Variants in TTLL6 observed in about 807,000 individuals in gnomAD.
TTLL6 encodes tubulin tyrosine ligase like 6, also known as tubulin polyglutamylase TTLL6.
Under a neutral mutation model 96.4 loss-of-function variants are expected in TTLL6, and 75 were observed. The ratio of observed to expected loss-of-function variants is 0.78; its 90% CI spans 0.65 to 0.94. The LOEUF (loss-of-function observed/expected upper bound fraction) is 0.94. TTLL6 is among the 40% of genes least tolerant of loss of function. The probability of loss-of-function intolerance (pLI) is 0.00; values close to 1 mark genes in which losing one functional copy is unlikely to be tolerated. For missense variants in TTLL6, 1,030 were observed against 1,093.0 expected (o/e 0.94, Z 0.81); for synonymous variants, 411 against 419.4 (o/e 0.98, Z 0.24).
chr17:48,805,644 C>T (rs72831872), intron 1 of TTLL6, among the ~76,000 whole-genome samples: 19 of 152,214 alleles, frequency 1.2e-4, no homozygotes, highest in Non-Finnish European at 2.4e-4. Flanking sequence ...TCTCATCCTC[C>T]CTGGCCCCAT....
chr17:48,794,303 T>C, intron 8 of TTLL6: 1 of 1,612,328 alleles, frequency 6.2e-7, no homozygotes, highest in Non-Finnish European at 8.5e-7. Flanking sequence ...ATGAGAACCT[T>C]TCCATTCTGT....
intron 13 of TTLL6, among the ~76,000 whole-genome samples, chr17:48,778,000 C>T (rs1261654951): frequency 1.3e-5 from 2 of 151,596 alleles, no homozygotes; most frequent in Non-Finnish European, 2.9e-5. Flanking sequence ...CCATGCTGGG[C>T]GCCCGGTGGC....
Position 48,791,616 on chromosome 17 carries a change from C to A in TTLL6, c.999-13G>T, listed in dbSNP as rs1567727296. The A allele has an allele frequency of 3.1e-6, 5 of 1,600,752 alleles. No homozygotes were observed. Among genetic ancestry groups the A allele is most frequent in the Non-Finnish European group, 3.4e-6 (4 of 1,170,544 alleles). On this transcript the variant is annotated splice_polypyrimidine_tract_variant and intron_variant, in intron 8 of 15. Coordinates refer to ENST00000393382, the MANE Select transcript of TTLL6 (RefSeq NM_001130918.3). ...GGTGGAGAGCTTCCTGGAAGGGAAC[C>A]ACAGGCCAGGAGGCAGTGTAGCTGG...
intron 13 of TTLL6, among the ~76,000 whole-genome samples, chr17:48,779,802 C>T (rs1215547203): frequency 6.6e-6 from 1 of 152,082 alleles, no homozygotes; most frequent in Non-Finnish European, 1.5e-5. Context: ...AGAAGCCAGA[C>T]ACAAAAGAAC....
At chr17:48,771,270 A>C (rs1404022335) in intron 13 of TTLL6, among the ~76,000 whole-genome samples, 3 of 152,204 alleles carry the variant, frequency 2.0e-5, no homozygotes, top group Non-Finnish European at 4.4e-5. Flanking sequence ...AATAACTAAT[A>C]AGATTTCGAT....
chr17:48,809,869 G>A (rs960803578), intron 1 of TTLL6, among the ~76,000 whole-genome samples: 2 of 151,832 alleles, frequency 1.3e-5, no homozygotes, highest in Admixed American at 6.6e-5. Flanking sequence ...GAAAAGAAAG[G>A]CCGGGCGCGG....
At chr17:48,767,487 G>T in intron 15 of TTLL6, among the ~76,000 whole-genome samples, 1 of 152,264 alleles carries the variant, frequency 6.6e-6, no homozygotes, top group East Asian at 1.9e-4. Context: ...GAAGGCCCTG[G>T]AATATGCATT....
In TTLL6 at chr17:48,770,046, A is replaced by G. The variant is rs1407408746; in HGVS notation, c.2092T>C (p.Ser698Pro). The change falls in exon 14 of 16, where the codon TCC becomes CCC. Residue 698 changes from serine (S) to proline (P), a missense_variant. Transcript: ENST00000393382. Reference sequence around the variant, plus strand: ...GCCAGGGTTGGCGGAGACTTTGGGGAGATTGAGAGTTGGGTGGTGGATTCT... The same window carrying G: ...GCCAGGGTTGGCGGAGACTTTGGGGGGATTGAGAGTTGGGTGGTGGATTCT... The part of the protein sequence containing the change: ...TPESTTQLSI[S>P]PKSPPTLAVT... 2 of 1,613,592 alleles carry G rather than the reference A, an allele frequency of 1.2e-6. No homozygotes were observed. The highest frequency in any genetic ancestry group is 1.7e-5 in the Admixed American group (1 of 59,954).
intron 13 of TTLL6, 67 bp downstream of exon 13, chr17:48,784,856 G>C (rs190022460): frequency 5.0e-6 from 7 of 1,403,334 alleles, no homozygotes; most frequent in South Asian, 2.4e-5. Flanking sequence ...CAGCAAGTTG[G>C]GGGTAGAGAA....
Position 48,801,318 on chromosome 17 carries a change from C to T in TTLL6, c.548G>A (p.Arg183His), listed in dbSNP as rs760615802. ...RKDLLARNMS[R>H]MLKMFPKDFR... ...ATCTTTAGGGAACATCTTTAACATGCGGCTCATGTTCCTGGCCAGCAAGTC... is the reference window on the plus strand; with the variant it reads ...ATCTTTAGGGAACATCTTTAACATGTGGCTCATGTTCCTGGCCAGCAAGTC... The change falls in exon 5 of 16, where the codon CGC (arginine) becomes CAC (histidine). Residue 183 changes from arginine to histidine, a missense_variant. Coordinates refer to ENST00000393382, the MANE Select transcript of TTLL6 (RefSeq NM_001130918.3). 48 of 1,551,428 alleles carry T rather than the reference C, an allele frequency of 3.1e-5. No homozygotes were observed. Among genetic ancestry groups the T allele is most frequent in the East Asian group, 9.8e-5 (4 of 40,938 alleles).
intron 1 of TTLL6, among the ~76,000 whole-genome samples, chr17:48,811,270 A>G (rs921997587): frequency 6.6e-6 from 1 of 151,606 alleles, no homozygotes; most frequent in Non-Finnish European, 1.5e-5. Context: ...GAGTTTTATC[A>G]TATTGGTCAG....
chr17:48,813,996 C>T (rs1031645859), intron 1 of TTLL6, among the ~76,000 whole-genome samples: 23 of 152,066 alleles, frequency 1.5e-4, no homozygotes, highest in African/African-American at 5.6e-4. Flanking sequence ...AGTGGACAGA[C>T]AAAGTGGACT....
chr17:48,789,130 A>G (rs2039167132), intron 10 of TTLL6, among the ~76,000 whole-genome samples: 1 of 147,144 alleles, frequency 6.8e-6, no homozygotes, highest in Admixed American at 6.8e-5. Flanking sequence ...AAAAAAAAAA[A>G]GGAATGGTCT....
At chr17:48,795,021 T>C (rs2039292579) in intron 8 of TTLL6, among the ~76,000 whole-genome samples, 1 of 152,170 alleles carries the variant, frequency 6.6e-6, no homozygotes. Context: ...TTTGCCATAG[T>C]GTTGCTGTGA....
chr17:48,807,185 T>C (rs1198344766), intron 1 of TTLL6, among the ~76,000 whole-genome samples: 1 of 151,868 alleles, frequency 6.6e-6, no homozygotes, highest in Non-Finnish European at 1.5e-5. Flanking sequence ...CCTCCCGGGT[T>C]CAAGTGATTC....
chr17:48,766,596 G>T (rs1597953573), intron 15 of TTLL6, among the ~76,000 whole-genome samples: 3 of 152,164 alleles, frequency 2.0e-5, no homozygotes, highest in Admixed American at 2.0e-4. Context: ...GGGTGTGGTG[G>T]CTCATATCTG....
chr17:48,810,825 GTATATATATA>G (rs1555569643), intron 1 of TTLL6, among the ~76,000 whole-genome samples: 1,260 of 84,340 alleles, frequency 0.015, 78 homozygotes, highest in African/African-American at 0.049. Context: ...GTATGTGTGT[GTATATATATA>G]TATATATATA....
chr17:48,816,286 A>G (rs1436980072), intron 1 of TTLL6, among the ~76,000 whole-genome samples: 1 of 88,326 alleles, frequency 1.1e-5, no homozygotes, highest in African/African-American at 4.6e-5. Flanking sequence ...CCCCACCTCC[A>G]TCTCTTAAAA....
chr17:48,770,510 G>GTTGTTGTTATTA (rs1555563118), intron 13 of TTLL6, among the ~76,000 whole-genome samples: 2 of 147,814 alleles, frequency 1.4e-5, no homozygotes, highest in African/African-American at 5.0e-5. Flanking sequence ...TATTGTTGTT[G>GTTGTTGTTATTA]TTATTATTAT....
Sources: gnomAD v4.1 joint callset for allele counts (sites outside exome capture counted in the v4.1 genomes callset) on GRCh38, gnomAD v4.1.1 for gene constraint, MANE v1.5 for transcripts, NCBI Gene and HGNC (gene_info 2026-07-23, HGNC 2026-07-21) for gene names.